The following KCNMB2 variants were observed in gnomAD, a reference collection of about 807,000 sequenced individuals.
KCNMB2 encodes potassium calcium-activated channel subfamily M regulatory beta subunit 2.
A neutral mutation model predicts 24.5 loss-of-function variants in KCNMB2; 9 were observed. The ratio of observed to expected loss-of-function variants is 0.37; its 90% CI spans 0.22 to 0.64. The LOEUF (loss-of-function observed/expected upper bound fraction) is 0.64. Ranked by LOEUF, KCNMB2 falls within the 30% of genes least tolerant of loss-of-function variation. KCNMB2 has a pLI of 0.63. For synonymous variants in KCNMB2, 109 were observed against 104.4 expected (o/e 1.04, Z -0.27); for missense variants, 226 against 284.3 (o/e 0.79, Z 1.47).
At chr3:178,677,267 A>G (rs1200838025) in intron 1 of KCNMB2, among the ~76,000 whole-genome samples, 1 of 152,194 alleles carries the variant, frequency 6.6e-6, no homozygotes, top group African/African-American at 2.4e-5. Context: ...CCTAACCTCT[A>G]CATATTTATA....
intron 1 of KCNMB2, among the ~76,000 whole-genome samples, chr3:178,719,955 T>C (rs73047902): frequency 0.037 from 5,567 of 152,154 alleles, 354 homozygotes; most frequent in African/African-American, 0.13. Flanking sequence ...AATGGAGTCA[T>C]AGGGTATATA....
At chr3:178,538,194 GATTTT>G (rs1333525455) in intron 1 of KCNMB2, among the ~76,000 whole-genome samples, 1 of 152,166 alleles carries the variant, frequency 6.6e-6, no homozygotes, top group African/African-American at 2.4e-5. Flanking sequence ...CAGTGTGGTG[GATTTT>G]ACTGAACCAG....
chr3:178,679,201 A>C (rs1005633436), intron 1 of KCNMB2, among the ~76,000 whole-genome samples: 18 of 152,100 alleles, frequency 1.2e-4, no homozygotes, highest in Admixed American at 1.0e-3. Flanking sequence ...CTAATGTGAT[A>C]TTAACTAAGG....
Position 178,715,279 on chromosome 3 carries a change from A to G in KCNMB2, c.-67-92064A>G, listed in dbSNP as rs116437731. 1.2e-3 allele frequency among the ~76,000 whole-genome samples: 177 copies of G among 151,810 alleles called. 1 individual carries two copies. Among genetic ancestry groups the G allele is most frequent in the African/African-American group, 4.2e-3 (173 of 41,406 alleles). On this transcript the variant is annotated intron_variant, in intron 1 of 4. Coordinates refer to ENST00000452583, the MANE Select transcript of KCNMB2 (RefSeq NM_181361.3). ...ACAGAAGAAAATTTAACTCCTAAAC[A>G]CTCACATCACTTGGGAAGAACAGAT...
At chr3:178,597,278 T>C (rs962955118) in intron 1 of KCNMB2, among the ~76,000 whole-genome samples, 1 of 152,144 alleles carries the variant, frequency 6.6e-6, no homozygotes, top group Non-Finnish European at 1.5e-5. Flanking sequence ...AATGCTATGT[T>C]GATTGTGATG....
chr3:178,716,257 A>G (rs1361618900), intron 1 of KCNMB2, among the ~76,000 whole-genome samples: 1 of 152,192 alleles, frequency 6.6e-6, no homozygotes, highest in East Asian at 1.9e-4. Flanking sequence ...ATATTTGTTG[A>G]GAGTTTGCAA....
intron 1 of KCNMB2, among the ~76,000 whole-genome samples, chr3:178,622,060 T>C (rs185218542): frequency 1.9e-4 from 29 of 152,342 alleles, no homozygotes; most frequent in Admixed American, 1.8e-3. Context: ...GCTTCTCTTA[T>C]AGGATTGTCA....
rs552811527 is a variant in KCNMB2 at position 178,818,802 on chromosome 3, C to G, written c.57-6786C>G. On this transcript the variant is annotated intron_variant, in intron 2 of 4. Coordinates refer to ENST00000452583, the MANE Select transcript of KCNMB2 (RefSeq NM_181361.3). Reference sequence around the variant, plus strand: ...TAATGCCCCCTCTAACTTCAAAAGACATACAAGATCCTTTTTCTCTGGTGC... The same window carrying G: ...TAATGCCCCCTCTAACTTCAAAAGAGATACAAGATCCTTTTTCTCTGGTGC... Among the ~76,000 whole-genome samples, 33 of 152,304 alleles carry G rather than the reference C, an allele frequency of 2.2e-4. 1 individual carries two copies. The highest frequency in any genetic ancestry group is 7.9e-4 in the African/African-American group (33 of 41,566).
At chr3:178,822,389 C>A (rs988860242) in intron 2 of KCNMB2, among the ~76,000 whole-genome samples, 17 of 152,210 alleles carry the variant, frequency 1.1e-4, no homozygotes, top group African/African-American at 3.9e-4. Flanking sequence ...CTTCCCTCTT[C>A]TCTATTCCCA....
At chr3:178,689,406 T>TG (rs1721587536) in intron 1 of KCNMB2, among the ~76,000 whole-genome samples, 1 of 151,976 alleles carries the variant, frequency 6.6e-6, no homozygotes, top group Non-Finnish European at 1.5e-5. Flanking sequence ...GAGGCTGAGA[T>TG]GGGGGGATCA....
chr3:178,586,139 A>G (rs1717421084), intron 1 of KCNMB2, among the ~76,000 whole-genome samples: 1 of 152,194 alleles, frequency 6.6e-6, no homozygotes, highest in African/African-American at 2.4e-5. Context: ...GGATAAGCCC[A>G]TGGATGTGTC....
At chr3:178,702,317 G>A (rs967037548) in intron 1 of KCNMB2, among the ~76,000 whole-genome samples, 1 of 149,700 alleles carries the variant, frequency 6.7e-6, no homozygotes, top group African/African-American at 2.5e-5. Context: ...AGCGTTAGGA[G>A]ATATACCTAA....
At chr3:178,612,826 C>A (rs991568757) in intron 1 of KCNMB2, among the ~76,000 whole-genome samples, 3 of 151,742 alleles carry the variant, frequency 2.0e-5, no homozygotes, top group African/African-American at 7.3e-5. Context: ...TCTTTCTTTT[C>A]TTCTTGTTTT....
intron 1 of KCNMB2, among the ~76,000 whole-genome samples, chr3:178,637,357 C>T (rs977438120): frequency 7.9e-5 from 12 of 152,140 alleles, no homozygotes; most frequent in African/African-American, 2.9e-4. Context: ...TGTGGCTTCA[C>T]CAGCATGATC....
At chr3:178,574,002 G>C (rs891375803) in intron 1 of KCNMB2, among the ~76,000 whole-genome samples, 1 of 152,102 alleles carries the variant, frequency 6.6e-6, no homozygotes, top group Non-Finnish European at 1.5e-5. Context: ...AGAAGCAAAT[G>C]GCATAATATA....
In KCNMB2 at chr3:178,700,699, GA is replaced by G. The variant is rs371424168; in HGVS notation, c.-67-106641del. ...TGCAACATATATTACTCGTGACATAGAAACAAGAGCTCATTACTTTTTCCAG... is the reference window on the plus strand; with the variant it reads ...TGCAACATATATTACTCGTGACATAGAACAAGAGCTCATTACTTTTTCCAG... On this transcript the variant is annotated intron_variant, in intron 1 of 4. Coordinates refer to ENST00000452583, the MANE Select transcript of KCNMB2 (RefSeq NM_181361.3). Among the ~76,000 whole-genome samples the G allele has an allele frequency of 1.7e-3, 262 of 152,078 alleles. 1 individual carries two copies. Among genetic ancestry groups the G allele is most frequent in the African/African-American group, 6.0e-3 (250 of 41,474 alleles).
chr3:178,832,343 G>GCCATTCAGGATCA (rs377403460), intron 4 of KCNMB2, among the ~76,000 whole-genome samples: 3 of 83,792 alleles, frequency 3.6e-5, no homozygotes, highest in South Asian at 3.0e-4. Flanking sequence ...AGTAATCTTG[G>GCCATTCAGGATCA]CCTATTTTAA....
At chr3:178,751,677 A>C (rs1334067699) in intron 1 of KCNMB2, among the ~76,000 whole-genome samples, 1 of 151,900 alleles carries the variant, frequency 6.6e-6, no homozygotes, top group East Asian at 1.9e-4. Flanking sequence ...ACAAAGGTAC[A>C]ATAGGGAAGA....
chr3:178,650,165 C>A (rs1217356037), intron 1 of KCNMB2, among the ~76,000 whole-genome samples: 7 of 152,128 alleles, frequency 4.6e-5, no homozygotes, highest in Non-Finnish European at 1.0e-4. Flanking sequence ...GAGTGAGTTT[C>A]TTAATCCTGA....
Sources: allele counts gnomAD v4.1 joint callset (sites outside exome capture counted in the v4.1 genomes callset), GRCh38; gene constraint gnomAD v4.1.1; transcripts MANE v1.5; gene names NCBI Gene and HGNC (gene_info 2026-07-23, HGNC 2026-07-21).